GASK1A: variants seen among roughly 807,000 people sequenced by gnomAD.
GASK1A encodes the protein Golgi-associated kinase 1A.
A neutral mutation model predicts 41.2 loss-of-function variants in GASK1A; 40 were observed. The ratio of observed to expected loss-of-function variants is 0.97; its 90% CI spans 0.75 to 1.27. GASK1A has a LOEUF of 1.27. Ranked by LOEUF, GASK1A falls within the 50% of genes most tolerant of loss-of-function variation. The probability of loss-of-function intolerance (pLI) is 0.00; values close to 1 mark genes in which losing one functional copy is unlikely to be tolerated. For synonymous variants in GASK1A, 316 were observed against 307.1 expected, an observed-to-expected ratio of 1.03 and a Z score of -0.30; for missense variants, 678 against 745.1, an observed-to-expected ratio of 0.91 and a Z score of 1.05.
chr3:43,032,687 G>A lies in GASK1A; in HGVS notation c.424G>A (p.Glu142Lys). The change falls in exon 2 of 5, where the codon GAG (glutamate) becomes AAG (lysine). Residue 142 changes from glutamate to lysine, a missense_variant. By Grantham distance (56) the Glu-to-Lys change is moderately conservative. Transcript: ENST00000430121. ...GCATGTTGTGCTCCTGAGGGAGGAT[G>A]AGGTTGGAGATCCAGGAACCAAAGA... ...TQHVVLLRED[E>K]VGDPGTKDLG... The A allele has an allele frequency of 6.4e-7, 1 of 1,551,722 alleles. No homozygotes were observed. Among genetic ancestry groups the A allele is most frequent in the Non-Finnish European group, 8.7e-7 (1 of 1,146,992 alleles).
chr3:43,039,013 A>T (rs985426561), intron 2 of GASK1A, among the ~76,000 whole-genome samples: 2 of 142,776 alleles, frequency 1.4e-5, no homozygotes, highest in Admixed American at 7.4e-5. Flanking sequence ...TTTTAGTATA[A>T]AAAAAAAGAA....
At chr3:43,039,969 A>G (rs1346529137) in intron 2 of GASK1A, among the ~76,000 whole-genome samples, 1 of 152,158 alleles carries the variant, frequency 6.6e-6, no homozygotes, top group Non-Finnish European at 1.5e-5. Flanking sequence ...CCTTAGATTC[A>G]ATTGTAATTA....
At chr3:42,994,620 A>G (rs575895498) in intron 1 of GASK1A, among the ~76,000 whole-genome samples, 42 of 152,186 alleles carry the variant, frequency 2.8e-4, no homozygotes, top group African/African-American at 9.9e-4. Flanking sequence ...TCTTTGTGCC[A>G]TGGACACAGA....
chr3:43,038,971 C>G (rs2089620067), intron 2 of GASK1A, among the ~76,000 whole-genome samples: 1 of 150,958 alleles, frequency 6.6e-6, no homozygotes, highest in Non-Finnish European at 1.5e-5. Context: ...CTATTGAATG[C>G]AACTTACAAT....
rs1259818795 is a variant in GASK1A at position 42,979,344 on chromosome 3, C to A, written c.-299C>A. On this transcript the variant is annotated 5_prime_UTR_variant, in exon 1 of 5. Transcript: ENST00000430121. ...AACTCTGCAAAAGTCCCGAGTAGAC[C>A]GCAGAGGCTCGCGGCCGCGGGTAGG... 1 of 366,950 alleles carries A rather than the reference C, an allele frequency of 2.7e-6. No individual in the cohort carries two copies. Among genetic ancestry groups the A allele is most frequent in the Non-Finnish European group, 4.8e-6 (1 of 206,326 alleles). The allele number at this position is 366,950 out of a possible 1,614,324, so 22.7% of individuals were successfully genotyped here. A position where few individuals can be genotyped will look rare whatever the true frequency, so the allele number is the denominator to read the frequency against.
In GASK1A at chr3:42,997,437, A is replaced by C. The variant is rs201019068; in HGVS notation, c.3+17792A>C. Among the ~76,000 whole-genome samples the C allele has an allele frequency of 9.2e-5, 10 of 108,734 alleles. No individual in the cohort carries two copies. In the South Asian group the frequency reaches 9.2e-4, roughly 10 times the overall value. 71.3% of individuals were successfully genotyped at this position (108,734 alleles called of 152,430 possible). On this transcript the variant is annotated intron_variant, in intron 1 of 4. Transcript: ENST00000430121. ...ACACGCATGAGAGAGAGACAGAGAG[A>C]GGGGGGGGGGATCTGGGATCCTTAG...
chr3:43,026,911 G>T (rs2089549628), intron 1 of GASK1A, among the ~76,000 whole-genome samples: 1 of 152,110 alleles, frequency 6.6e-6, no homozygotes, highest in Non-Finnish European at 1.5e-5. Context: ...TTCTAATAGG[G>T]CATATTGCAC....
At chr3:43,039,168 A>G (rs375393278) in intron 2 of GASK1A, among the ~76,000 whole-genome samples, 30 of 148,562 alleles carry the variant, frequency 2.0e-4, no homozygotes, top group African/African-American at 7.2e-4. Context: ...TTTTCTTGCT[A>G]CCAGCACAAT....
intron 1 of GASK1A, among the ~76,000 whole-genome samples, chr3:43,028,466 T>C (rs11711497): frequency 0.19 from 28,853 of 152,096 alleles, 2,965 homozygotes; most frequent in South Asian, 0.35. Context: ...ACAACAGAAC[T>C]AAGACTAAAT....
chr3:43,006,460 G>C (rs2089436325), intron 1 of GASK1A, among the ~76,000 whole-genome samples: 1 of 152,100 alleles, frequency 6.6e-6, no homozygotes, highest in Admixed American at 6.6e-5. Flanking sequence ...TGATAGTTTG[G>C]CTTGAGTATA....
intron 1 of GASK1A, among the ~76,000 whole-genome samples, chr3:43,016,744 G>C (rs868800745): frequency 1.3e-5 from 2 of 151,770 alleles, no homozygotes; most frequent in African/African-American, 2.4e-5. Context: ...GTCACAGGAA[G>C]AGTCTGTGTG....
rs918203060 is a variant in GASK1A, at chr3:43,057,455, A to C, written c.*1069A>C. ...TGATTATTTTTCTACACCTTCACCA[A>C]CACTTGGCATTCTCAGACTTTTGGG... On this transcript the variant is annotated 3_prime_UTR_variant, in exon 5 of 5. Transcript: ENST00000430121. 1 of 150,258 alleles carries C rather than the reference A, an allele frequency of 6.7e-6. No individual in the cohort carries two copies. The allele number at this position is 150,258 out of a possible 1,614,324, so 9.3% of individuals were successfully genotyped here.
At chr3:43,001,976 G>A (rs191964663) in intron 1 of GASK1A, among the ~76,000 whole-genome samples, 38 of 152,212 alleles carry the variant, frequency 2.5e-4, no homozygotes, top group Middle Eastern at 6.8e-3. Flanking sequence ...CTACTGTCAC[G>A]TATGCTCTCC....
intron 1 of GASK1A, among the ~76,000 whole-genome samples, chr3:43,017,635 G>C (rs948746430): frequency 5.0e-5 from 7 of 140,446 alleles, no homozygotes; most frequent in African/African-American, 1.9e-4. Flanking sequence ...AAGTCACAGG[G>C]AGGGGCAGTG....
At chr3:43,001,494 C>T (rs1575437823) in intron 1 of GASK1A, among the ~76,000 whole-genome samples, 1 of 152,156 alleles carries the variant, frequency 6.6e-6, no homozygotes, top group Non-Finnish European at 1.5e-5. Context: ...TATGCAGCCT[C>T]CAGCAAGTAT....
chr3:43,034,288 C>T (rs2089594229), intron 2 of GASK1A, among the ~76,000 whole-genome samples: 1 of 152,108 alleles, frequency 6.6e-6, no homozygotes, highest in South Asian at 2.1e-4. Flanking sequence ...GGCTGAGGTC[C>T]CTGAACTGTC....
chr3:42,997,540 T>C (rs1035424962), intron 1 of GASK1A, among the ~76,000 whole-genome samples: 1 of 152,070 alleles, frequency 6.6e-6, no homozygotes, highest in Non-Finnish European at 1.5e-5. Flanking sequence ...CAGGGGCCTC[T>C]CCTCCATGGG....
chr3:42,979,419 C>A lies in GASK1A; in HGVS notation c.-224C>A, dbSNP rs919158412. The A allele has an allele frequency of 1.9e-5, 8 of 415,990 alleles. No homozygotes were observed. The highest frequency in any genetic ancestry group is 1.6e-4 in the African/African-American group (8 of 48,862). 25.8% of individuals were successfully genotyped at this position (415,990 alleles called of 1,614,324 possible). ...AGTAGATCCGGCGTGTATTCCCCAC[C>A]CGCGGAGTATCCCGGTGTGCAGCGA... On this transcript the variant is annotated 5_prime_UTR_variant, in exon 1 of 5. Coordinates refer to ENST00000430121, the MANE Select transcript of GASK1A (RefSeq NM_001129908.3).
chr3:42,990,645 A>T lies in GASK1A; in HGVS notation c.3+11000A>T, dbSNP rs538084349. Among the ~76,000 whole-genome samples the T allele has an allele frequency of 1.3e-4, 20 of 152,276 alleles. 2 individuals are homozygous for T. In the South Asian group the frequency reaches 4.1e-3, roughly 32 times the overall value. On this transcript the variant is annotated intron_variant, in intron 1 of 4. Transcript: ENST00000430121. ...TGGGGGGCAGCCTACTTGTCTACTT[A>T]ATGACAGTCATTGACTGCATCCCAG...
Sources: gnomAD v4.1 joint callset for allele counts (sites outside exome capture counted in the v4.1 genomes callset) on GRCh38, gnomAD v4.1.1 for gene constraint, MANE v1.5 for transcripts, NCBI Gene and HGNC (gene_info 2026-07-23, HGNC 2026-07-21) for gene names.